The following ADGRL2 variants were observed in gnomAD, a reference collection of about 807,000 sequenced individuals.
The protein encoded by ADGRL2 is calcium-independent alpha-latrotoxin receptor 2.
In ADGRL2, 44 loss-of-function variants were observed where a neutral mutation model predicts 157.4. That is an observed-to-expected ratio of 0.28 (90% CI 0.22 to 0.36). The LOEUF (loss-of-function observed/expected upper bound fraction) is 0.36, where lower values mean the gene tolerates loss of function less well. Ranked by LOEUF, ADGRL2 falls within the 10% of genes least tolerant of loss-of-function variation. ADGRL2 has a pLI of 1.00. For missense variants in ADGRL2, 1,510 were observed against 1,768.9 expected, an observed-to-expected ratio of 0.85 and a Z score of 2.63; for synonymous variants, 585 against 624.7, an observed-to-expected ratio of 0.94 and a Z score of 0.95.
intron 1 of ADGRL2, among the ~76,000 whole-genome samples, chr1:81,353,139 T>A (rs1226520975): frequency 1.3e-5 from 2 of 152,174 alleles, no homozygotes; most frequent in African/African-American, 4.8e-5. Context: ...ACTTTATATC[T>A]CAAAATTTGC....
intron 1 of ADGRL2, among the ~76,000 whole-genome samples, chr1:81,320,432 G>T (rs1557593621): frequency 1.3e-5 from 2 of 152,272 alleles, no homozygotes; most frequent in South Asian, 2.1e-4. Context: ...AAATTAATTT[G>T]CTCAGACTCC....
intron 1 of ADGRL2, chr1:81,426,646 T>C (rs965866549): frequency 2.1e-5 from 10 of 473,014 alleles, no homozygotes; most frequent in African/African-American, 2.0e-4. Context: ...TCACAGATTG[T>C]ATGGTAATGA....
At chr1:81,763,885 A>T (rs1248363383) in intron 2 of ADGRL2, among the ~76,000 whole-genome samples, 1 of 151,990 alleles carries the variant, frequency 6.6e-6, no homozygotes, top group East Asian at 1.9e-4. Context: ...GCACGCCTGT[A>T]ATCCCAGCTA....
intron 1 of ADGRL2, among the ~76,000 whole-genome samples, chr1:81,321,746 C>G (rs1015977019): frequency 1.3e-5 from 2 of 150,780 alleles, no homozygotes; most frequent in Admixed American, 1.3e-4. Flanking sequence ...AGATCATTGT[C>G]ACAGATATAA....
chr1:81,871,859 A>C (rs1557817098), intron 2 of ADGRL2, among the ~76,000 whole-genome samples: 1 of 152,160 alleles, frequency 6.6e-6, no homozygotes, highest in East Asian at 1.9e-4. Context: ...AGATTGCAAA[A>C]ATTTTCTCCC....
chr1:81,893,319 T>TTTGTTTTTTTTTTGTTTTTG (rs753014450), intron 2 of ADGRL2, among the ~76,000 whole-genome samples: 6 of 150,344 alleles, frequency 4.0e-5, no homozygotes, highest in Non-Finnish European at 7.4e-5. Flanking sequence ...CAATCCTGTC[T>TTTGTTTTTTTTTTGTTTTTG]TGTATTTTTC....
intron 1 of ADGRL2, among the ~76,000 whole-genome samples, chr1:81,416,220 T>TA (rs1484136958): frequency 2.0e-5 from 3 of 152,022 alleles, no homozygotes; most frequent in Admixed American, 6.6e-5. Context: ...TGAAAACAGT[T>TA]ACATTCTTGA....
intron 2 of ADGRL2, among the ~76,000 whole-genome samples, chr1:81,469,403 T>G (rs1436736905): frequency 6.6e-6 from 1 of 152,232 alleles, no homozygotes; most frequent in Non-Finnish European, 1.5e-5. Context: ...ACATACCCAG[T>G]GCTTCTGTTA....
chr1:81,839,955 A>ATATATATATATAATAT (rs1164786609), intron 2 of ADGRL2, among the ~76,000 whole-genome samples: 4 of 110,064 alleles, frequency 3.6e-5, no homozygotes, highest in Non-Finnish European at 4.2e-5. Context: ...TATATATATA[A>ATATATATATATAATAT]ATACACACAA....
chr1:81,542,910 G>C (rs956148774), intron 2 of ADGRL2, among the ~76,000 whole-genome samples: 1 of 151,862 alleles, frequency 6.6e-6, no homozygotes, highest in African/African-American at 2.4e-5. Context: ...TGGGAAACTG[G>C]TGTCTTTGGA....
chr1:81,343,473 G>A (rs1662239367), intron 1 of ADGRL2, among the ~76,000 whole-genome samples: 1 of 152,190 alleles, frequency 6.6e-6, no homozygotes, highest in African/African-American at 2.4e-5. Flanking sequence ...TGAAAGATTA[G>A]CACAGAATTC....
intron 2 of ADGRL2, among the ~76,000 whole-genome samples, chr1:81,788,110 A>C (rs1436800845): frequency 6.6e-6 from 1 of 152,222 alleles, no homozygotes; most frequent in African/African-American, 2.4e-5. Flanking sequence ...ATAGAACATA[A>C]AACATTACAC....
At chr1:81,372,625 G>GTT (rs1484081669) in intron 1 of ADGRL2, among the ~76,000 whole-genome samples, 1 of 152,052 alleles carries the variant, frequency 6.6e-6, no homozygotes, top group Admixed American at 6.6e-5. Context: ...TATTTTCTCT[G>GTT]TTACTCCATC....
intron 2 of ADGRL2, among the ~76,000 whole-genome samples, chr1:81,448,397 C>T (rs754455419): frequency 1.4e-4 from 22 of 152,096 alleles, no homozygotes; most frequent in African/African-American, 3.6e-4. Flanking sequence ...CCACCTACCT[C>T]GGCCTCCCAA....
chr1:81,776,320 C>G (rs2086583544), intron 2 of ADGRL2, among the ~76,000 whole-genome samples: 1 of 151,964 alleles, frequency 6.6e-6, no homozygotes, highest in South Asian at 2.1e-4. Flanking sequence ...TCCCAAGTAG[C>G]TGGGACTACA....
At position 81,380,878 on chromosome 1, in the gene ADGRL2, A is replaced by G. The variant is rs144821460; in HGVS notation, c.-301-64158A>G. Among the ~76,000 whole-genome samples, 1,447 of 152,240 alleles carry G rather than the reference A, an allele frequency of 9.5e-3. 17 individuals are homozygous for G. The highest frequency in any genetic ancestry group is 0.016 in the Non-Finnish European group (1,112 of 67,984). On this transcript the variant is annotated intron_variant, in intron 1 of 24. Transcript: ENST00000370721. ...GGAAAAAAAAATTGAAATTTCTCCC[A>G]AACTCTTATTTTATTTCAATTACAT...
chr1:81,516,236 A>G (rs1272664729), intron 2 of ADGRL2, among the ~76,000 whole-genome samples: 1 of 151,940 alleles, frequency 6.6e-6, no homozygotes, highest in African/African-American at 2.4e-5. Flanking sequence ...TACTTTTTTT[A>G]TTTTTTCAAA....
At position 81,539,007 on chromosome 1, in the gene ADGRL2, C is replaced by CAA. The variant is rs71242586; in HGVS notation, c.-247-41849_-247-41848dup. ...TGGGTGATAGAGTGAGACCCTGTCT[C>CAA]AAAAAAAAAAAAAAAAAAAAAGACA... is the stretch of plus-strand genomic sequence containing the variant. On this transcript the variant is annotated intron_variant, in intron 2 of 24. Transcript: ENST00000370721. 9.1e-3 allele frequency among the ~76,000 whole-genome samples: 750 copies of CAA among 82,276 alleles called. 8 individuals are homozygous for CAA. The highest frequency in any genetic ancestry group is 0.024 in the Middle Eastern group (4 of 164). 54.0% of individuals were successfully genotyped at this position (82,276 alleles called of 152,430 possible).
At chr1:81,677,612 C>A (rs1379420023) in intron 3 of ADGRL2, among the ~76,000 whole-genome samples, 2 of 152,132 alleles carry the variant, frequency 1.3e-5, no homozygotes, top group Non-Finnish European at 2.9e-5. Context: ...ATTTCTATCT[C>A]CTAAATATCT....
Sources: gnomAD v4.1 joint callset for allele counts (sites outside exome capture counted in the v4.1 genomes callset) on GRCh38, gnomAD v4.1.1 for gene constraint, MANE v1.5 for transcripts, NCBI Gene and HGNC (gene_info 2026-07-23, HGNC 2026-07-21) for gene names.